Variants in PDE1C observed in about 807,000 individuals in gnomAD.
PDE1C encodes dual specificity calcium/calmodulin-dependent 3',5'-cyclic nucleotide phosphodiesterase 1C.
Under a neutral mutation model 93.1 loss-of-function variants are expected in PDE1C, and 62 were observed. The observed-to-expected ratio is 0.67, with a 90% CI of 0.54 to 0.82. The LOEUF (loss-of-function observed/expected upper bound fraction) is 0.82. PDE1C is among the 40% of genes least tolerant of loss of function. The pLI is 0.00. For missense variants in PDE1C, 742 were observed against 884.6 expected, an observed-to-expected ratio of 0.84 and a Z score of 2.04; for synonymous variants, 325 against 310.1, an observed-to-expected ratio of 1.05 and a Z score of -0.50.
intron 3 of PDE1C, among the ~76,000 whole-genome samples, chr7:32,165,730 T>C (rs1289041753): frequency 1.3e-5 from 2 of 152,112 alleles, no homozygotes; most frequent in Non-Finnish European, 2.9e-5. Flanking sequence ...GAGATTTGGG[T>C]GGGGACACAG....
chr7:31,668,652 T>C, the PDE1C span, among the ~76,000 whole-genome samples: 1 of 152,124 alleles, frequency 6.6e-6, no homozygotes, highest in South Asian at 2.1e-4. Context: ...GAAAGTGGCT[T>C]AGCGGTTGTC....
At chr7:31,855,112 GT>G (rs1402639081) in intron 7 of PDE1C, among the ~76,000 whole-genome samples, 1 of 150,082 alleles carries the variant, frequency 6.7e-6, no homozygotes, top group Non-Finnish European at 1.5e-5. Context: ...TTGGCACGCA[GT>G]TCTGCCAGTC....
At position 32,350,089 on chromosome 7, in the gene PDE1C, G is replaced by C. The variant is rs544137598; in HGVS notation, c.310+77733C>G. On this transcript the variant is annotated intron_variant, in intron 1 of 1. Transcript: ENST00000672256. ...GTATTGTCTTGCTGTTGTTGTTGTT[G>C]TTGTTCTTCTTCTTCCTTCTTCTTT... is the stretch of plus-strand genomic sequence containing the variant. Among the ~76,000 whole-genome samples, 33 of 148,586 alleles carry C rather than the reference G, an allele frequency of 2.2e-4. No individual in the cohort carries two copies. In the South Asian group the frequency reaches 3.9e-3, roughly 18 times the overall value.
At chr7:31,824,328 C>T (rs1027000336) in intron 13 of PDE1C, among the ~76,000 whole-genome samples, 3 of 152,158 alleles carry the variant, frequency 2.0e-5, no homozygotes, top group African/African-American at 7.2e-5. Flanking sequence ...TTATAATCCA[C>T]GTTTTCTCAG....
intron 3 of PDE1C, among the ~76,000 whole-genome samples, chr7:32,081,908 CG>C: frequency 6.6e-6 from 1 of 152,338 alleles, no homozygotes; most frequent in South Asian, 2.1e-4. Context: ...GGAACAGCTC[CG>C]GTCTACAGCT....
intron 2 of PDE1C, among the ~76,000 whole-genome samples, chr7:32,000,880 A>G (rs922678987): frequency 1.3e-5 from 2 of 152,180 alleles, no homozygotes; most frequent in African/African-American, 4.8e-5. Flanking sequence ...GAATATTTTC[A>G]CAGGACATAA....
At chr7:32,116,997 CA>C (rs747178324) in intron 3 of PDE1C, among the ~76,000 whole-genome samples, 3 of 152,180 alleles carry the variant, frequency 2.0e-5, no homozygotes, top group Non-Finnish European at 4.4e-5. Flanking sequence ...CACTTTTATA[CA>C]CAAGTTATTG....
chr7:31,983,391 C>A (rs1180108652), intron 2 of PDE1C, among the ~76,000 whole-genome samples: 1 of 152,110 alleles, frequency 6.6e-6, no homozygotes. Flanking sequence ...ACATATCCAG[C>A]CCTCATTTAA....
chr7:32,155,796 C>T (rs973567426), intron 3 of PDE1C, among the ~76,000 whole-genome samples: 1 of 152,196 alleles, frequency 6.6e-6, no homozygotes, highest in Non-Finnish European at 1.5e-5. Context: ...AAATGGTGTG[C>T]TCAAGGTCAG....
chr7:31,777,881 G>T (rs570069800), intron 16 of PDE1C, among the ~76,000 whole-genome samples: 1 of 152,214 alleles, frequency 6.6e-6, no homozygotes, highest in East Asian at 1.9e-4. Context: ...ATGCCCTGAA[G>T]GTCAGAGTTG....
At chr7:31,785,798 C>T (rs1428488825) in intron 16 of PDE1C, 13 of 152,126 alleles carry the variant, frequency 8.5e-5, no homozygotes, top group African/African-American at 2.9e-4. Flanking sequence ...CCTCTGTGCC[C>T]ACTAGTGTCT....
intron 1 of PDE1C, among the ~76,000 whole-genome samples, chr7:32,327,094 A>G (rs2128075458): frequency 6.6e-6 from 1 of 152,238 alleles, no homozygotes; most frequent in African/African-American, 2.4e-5. Context: ...GCACACAGAA[A>G]CATCTCCGTA....
intron 2 of PDE1C, among the ~76,000 whole-genome samples, chr7:32,192,549 A>C (rs916761196): frequency 1.3e-5 from 2 of 152,096 alleles, no homozygotes; most frequent in African/African-American, 2.4e-5. Context: ...ATTAATTTGT[A>C]AGTCTGTGCT....
At chr7:31,838,975 T>C (rs748630698) in intron 9 of PDE1C, among the ~76,000 whole-genome samples, 12 of 149,092 alleles carry the variant, frequency 8.0e-5, no homozygotes, top group Non-Finnish European at 1.6e-4. Flanking sequence ...CACATATATA[T>C]TTAGTATATA....
At chr7:32,043,411 C>T (rs1311783335) in intron 2 of PDE1C, among the ~76,000 whole-genome samples, 4 of 152,172 alleles carry the variant, frequency 2.6e-5, no homozygotes, top group African/African-American at 4.8e-5. Flanking sequence ...CTGGACATAA[C>T]TTTTGAAGCA....
chr7:31,873,147 C>G (rs1249661358), intron 6 of PDE1C, 145 bp downstream of exon 6: 1 of 593,162 alleles, frequency 1.7e-6, no homozygotes, highest in Non-Finnish European at 3.0e-6. Context: ...GAGGAATTCA[C>G]AGCAGTGGCT....
intron 2 of PDE1C, among the ~76,000 whole-genome samples, chr7:31,917,062 C>T (rs1279950600): frequency 6.6e-6 from 1 of 152,082 alleles, no homozygotes; most frequent in Non-Finnish European, 1.5e-5. Context: ...GAAGACCCAG[C>T]AGCTCAAAAT....
chr7:32,382,843 C>T (rs1054461503), intron 1 of PDE1C, among the ~76,000 whole-genome samples: 1 of 152,216 alleles, frequency 6.6e-6, no homozygotes, highest in Non-Finnish European at 1.5e-5. Context: ...ACACCCGTGT[C>T]GTCTCCCCTA....
At chr7:32,292,701 G>A (rs1812408947) in intron 1 of PDE1C, among the ~76,000 whole-genome samples, 1 of 152,100 alleles carries the variant, frequency 6.6e-6, no homozygotes, top group Non-Finnish European at 1.5e-5. Flanking sequence ...TTATATTCTG[G>A]ACTCTACTCA....
Sources: allele counts gnomAD v4.1 joint callset (sites outside exome capture counted in the v4.1 genomes callset), GRCh38; gene constraint gnomAD v4.1.1; transcripts MANE v1.5; gene names NCBI Gene and HGNC (gene_info 2026-07-23, HGNC 2026-07-21).